Variants in CACNG7 observed in about 807,000 individuals in gnomAD.
CACNG7 encodes voltage-dependent calcium channel gamma-7 subunit.
CACNG7 carries 9 observed loss-of-function variants against 26.3 expected under a neutral mutation model. The observed-to-expected ratio is 0.34, with a 90% CI of 0.21 to 0.60. CACNG7 has a LOEUF of 0.60. Ranked by LOEUF, CACNG7 falls within the 20% of genes least tolerant of loss-of-function variation. CACNG7 has a pLI of 0.81. For synonymous variants in CACNG7, 170 were observed against 157.0 expected (o/e 1.08, Z -0.62); for missense variants, 297 against 380.4 (o/e 0.78, Z 1.82).
At position 53,939,024 on chromosome 19, in the gene CACNG7, A is replaced by T. The variant is rs1384774487; in HGVS notation, c.425-2446A>T. Among the ~76,000 whole-genome samples the T allele has an allele frequency of 2.0e-5, 3 of 152,064 alleles. No individual in the cohort carries two copies. Among genetic ancestry groups the T allele is most frequent in the African/African-American group, 7.2e-5 (3 of 41,400 alleles). ...GTAATCCCAGCACTTTGGGAGGCCA[A>T]GGTGGGCAGATCACTTAAGGTCAGG... On this transcript the variant is annotated intron_variant, in intron 4 of 5. Coordinates refer to ENST00000391767, the MANE Select transcript of CACNG7 (RefSeq NM_031896.5). This position sits in a 1 kb window ranked among gnomAD's most constrained non-coding sequence, Gnocchi z 4.2.
rs1190410341 is a variant in CACNG7, at chr19:53,912,885, G to C, written c.54G>C (p.Ala18=). ...CCCTGCTGAGCAGCGTGTTTGGTGC[G>C]TGTGGCCTGCTCCTGGTAGGCATCG... is the stretch of plus-strand genomic sequence containing the variant. ...ALTLLSSVFG[A]CGLLLVGIAV... is the part of the protein sequence containing the mutation. The change falls in exon 2 of 6, where the codon GCG becomes GCC. Residue 18 remains alanine (A), a synonymous_variant. Coordinates refer to ENST00000391767, the MANE Select transcript of CACNG7 (RefSeq NM_031896.5). This position sits in a 1 kb window ranked among gnomAD's most constrained non-coding sequence, Gnocchi z 4.6. The C allele has an allele frequency of 5.6e-6, 9 of 1,613,954 alleles. No individual in the cohort carries two copies. Among genetic ancestry groups the C allele is most frequent in the East Asian group, 4.5e-5 (2 of 44,876 alleles).
At chr19:53,930,981 A>G (rs2069067982) in intron 4 of CACNG7, among the ~76,000 whole-genome samples, 1 of 152,056 alleles carries the variant, frequency 6.6e-6, no homozygotes, top group Admixed American at 6.6e-5. Context: ...ACATTACTTG[A>G]GCTCAGGAGT....
chr19:53,923,333 C>A (rs1250385841), intron 4 of CACNG7, among the ~76,000 whole-genome samples: 2 of 114,102 alleles, frequency 1.8e-5, no homozygotes, highest in Non-Finnish European at 3.5e-5. Context: ...GGTGGAGTTG[C>A]CCCAGGCCTG....
chr19:53,913,737 C>T (rs1451119730), intron 2 of CACNG7, among the ~76,000 whole-genome samples: 13 of 140,276 alleles, frequency 9.3e-5, no homozygotes, highest in Non-Finnish European at 7.5e-5. Flanking sequence ...TGAGCTATGA[C>T]GGTGCTGCTG....
intron 4 of CACNG7, among the ~76,000 whole-genome samples, chr19:53,926,800 C>G (rs542438016): frequency 6.6e-6 from 1 of 152,188 alleles, no homozygotes; most frequent in African/African-American, 2.4e-5. Flanking sequence ...ATAGTCCCAG[C>G]TACTTGGGAG....
Position 53,926,710 on chromosome 19 carries a change from C to T in CACNG7, c.424+11205C>T, listed in dbSNP as rs142535785. ...GGTGGATCACTTGAGGTCAGGAGTTCGAGACCAGCCTGGCCAACATGGTGA... is the reference window on the plus strand; with the variant it reads ...GGTGGATCACTTGAGGTCAGGAGTTTGAGACCAGCCTGGCCAACATGGTGA... On this transcript the variant is annotated intron_variant, in intron 4 of 5. Coordinates refer to ENST00000391767, the MANE Select transcript of CACNG7 (RefSeq NM_031896.5). Among the ~76,000 whole-genome samples, 15 of 152,014 alleles carry T rather than the reference C, an allele frequency of 9.9e-5. No individual in the cohort carries two copies. The East Asian group carries it at 2.4e-3, about 24-fold the overall frequency.
rs267605662 is a variant in CACNG7, at chr19:53,915,451, C to T, written c.370C>T (p.Arg124Cys). The stretch of plus-strand genomic sequence containing the variant: ...CGTCATCAGCAACATCGGCCACATC[C>T]GCCCGCAGAGGACCATTCTGGCTTT... ...AFVISNIGHI[R>C]PQRTILAFVS... Residue 124 changes from arginine (R) to cysteine (C), a missense_variant, in exon 4 of 6, where the codon CGC becomes TGC. Transcript: ENST00000391767. 3.7e-6 allele frequency: 6 copies of T among 1,614,142 alleles called. No homozygotes were observed. Among genetic ancestry groups the T allele is most frequent in the Non-Finnish European group, 5.1e-6 (6 of 1,180,032 alleles).
At chr19:53,941,069 A>G (rs1207842480) in intron 4 of CACNG7, among the ~76,000 whole-genome samples, 2 of 152,024 alleles carry the variant, frequency 1.3e-5, no homozygotes, top group Admixed American at 6.6e-5. Context: ...TTCAAAAAAA[A>G]AAAAAGAGAG....
At chr19:53,926,071 G>C (rs2069028783) in intron 4 of CACNG7, among the ~76,000 whole-genome samples, 1 of 152,230 alleles carries the variant, frequency 6.6e-6, no homozygotes, top group South Asian at 2.1e-4. Flanking sequence ...CCCTGTCCTT[G>C]GCACAGAAAA....
chr19:53,943,868 A>G lies in CACNG7; in HGVS notation c.*1575A>G, dbSNP rs1426474671. 2.6e-5 allele frequency: 4 copies of G among 152,122 alleles called. No homozygotes were observed. Among genetic ancestry groups the G allele is most frequent in the Non-Finnish European group, 5.9e-5 (4 of 68,034 alleles). 9.4% of individuals were successfully genotyped at this position (152,122 alleles called of 1,614,324 possible). A position where few individuals can be genotyped will look rare whatever the true frequency, so the allele number is the denominator to read the frequency against. On this transcript the variant is annotated 3_prime_UTR_variant, in exon 6 of 6. Transcript: ENST00000391767. ...TCATCATTATCAACGGCAGCGCTTT[A>G]TACTTCAGTCCGTGTAAAGCATGCA...
chr19:53,911,834 T>A (rs1338866571), intron 1 of CACNG7, among the ~76,000 whole-genome samples: 1 of 152,030 alleles, frequency 6.6e-6, no homozygotes, highest in Non-Finnish European at 1.5e-5. Flanking sequence ...AGGATCAGAG[T>A]TAGAAGGTCA....
At chr19:53,927,199 C>T (rs1020485233) in intron 4 of CACNG7, among the ~76,000 whole-genome samples, 1 of 152,070 alleles carries the variant, frequency 6.6e-6, no homozygotes, top group Non-Finnish European at 1.5e-5. Context: ...GGATTACAGG[C>T]GTGAGCCACT....
chr19:53,937,254 C>T (rs905294252), intron 4 of CACNG7, among the ~76,000 whole-genome samples: 1 of 152,116 alleles, frequency 6.6e-6, no homozygotes, highest in African/African-American at 2.4e-5. Flanking sequence ...GGTTTCCCAT[C>T]ACGGGAGAGA....
intron 4 of CACNG7, among the ~76,000 whole-genome samples, chr19:53,921,313 C>CCCAGGTCTGGTCATTGGTGGACTTGCA (rs2068948482): frequency 1.4e-5 from 2 of 142,030 alleles, no homozygotes; most frequent in African/African-American, 5.8e-5. Context: ...GTGGACTTGC[C>CCCAGGTCTGGTCATTGGTGGACTTGCA]CCAGGTCTGG....
chr19:53,911,527 A>C (rs114276648), intron 1 of CACNG7, among the ~76,000 whole-genome samples: 2,962 of 152,218 alleles, frequency 0.019, 85 homozygotes, highest in African/African-American at 0.067. Flanking sequence ...TTCTGGAGCT[A>C]GGTTCTGGAG....
Position 53,942,011 on chromosome 19 carries a change from G to C in CACNG7, c.571-25G>C. On this transcript the variant is annotated intron_variant, in intron 5 of 5. Transcript: ENST00000391767. The surrounding 1 kb of genome is among the most constrained non-coding windows in gnomAD (Gnocchi z 5.9). Reference sequence around the variant, plus strand: ...GGGGATGCGCAGGGGGGCGCCCCTGGGACTCTGACCTTGCCTTGCCGCAGG... The same window carrying C: ...GGGGATGCGCAGGGGGGCGCCCCTGCGACTCTGACCTTGCCTTGCCGCAGG... The C allele has an allele frequency of 6.4e-7, 1 of 1,560,836 alleles. No homozygotes were observed. The highest frequency in any genetic ancestry group is 8.7e-7 in the Non-Finnish European group (1 of 1,149,336).
At chr19:53,914,033 T>TG (rs1034046783) in intron 2 of CACNG7, among the ~76,000 whole-genome samples, 6 of 151,728 alleles carry the variant, frequency 4.0e-5, no homozygotes, top group Admixed American at 3.3e-4. Context: ...CCCAGCACTT[T>TG]GGGGGGCCAA....
At chr19:53,934,920 A>G (rs1220329185) in intron 4 of CACNG7, among the ~76,000 whole-genome samples, 1 of 152,084 alleles carries the variant, frequency 6.6e-6, no homozygotes, top group African/African-American at 2.4e-5. Context: ...AAATAATACA[A>G]TGAACTCTCA....
In CACNG7 at chr19:53,912,874, G is replaced by C; in HGVS notation, c.43G>C (p.Val15Leu). Residue 15 changes from valine (V) to leucine (L), a missense_variant, in exon 2 of 6, where the codon GTG becomes CTG. By Grantham distance (32) the Val-to-Leu change is conservative. Coordinates refer to ENST00000391767, the MANE Select transcript of CACNG7 (RefSeq NM_031896.5). The surrounding 1 kb of genome is among the most constrained non-coding windows in gnomAD (Gnocchi z 4.6). ...CCGCGCCCTGACCCTGCTGAGCAGC[G>C]TGTTTGGTGCGTGTGGCCTGCTCCT... is the stretch of plus-strand genomic sequence containing the variant. ...SSRALTLLSS[V>L]FGACGLLLVG... The C allele has an allele frequency of 2.5e-6, 4 of 1,613,846 alleles. No homozygotes were observed. The highest frequency in any genetic ancestry group is 3.4e-6 in the Non-Finnish European group (4 of 1,180,036).
Sources: gnomAD v4.1 joint callset for allele counts (sites outside exome capture counted in the v4.1 genomes callset) on GRCh38, gnomAD v4.1.1 for gene constraint, Gnocchi (gnomAD v3.1) non-coding constraint, MANE v1.5 for transcripts, NCBI Gene and HGNC (gene_info 2026-07-23, HGNC 2026-07-21) for gene names.